Variants in PRKN observed in about 807,000 individuals in gnomAD.
PRKN encodes parkin RBR E3 ubiquitin protein ligase.
In PRKN, 56 loss-of-function variants were observed where a neutral mutation model predicts 59.5. The ratio of observed to expected loss-of-function variants is 0.94; its 90% confidence interval spans 0.76 to 1.18. The LOEUF is 1.18. Ranked by LOEUF, PRKN falls within the 50% of genes most tolerant of loss-of-function variation. PRKN has a pLI of 0.00. For synonymous variants in PRKN, 250 were observed against 222.1 expected (o/e 1.13, Z -1.12); for missense variants, 657 against 596.4 (o/e 1.10, Z -1.06).
chr6:162,673,238 C>T (rs1370713735), intron 1 of PRKN, among the ~76,000 whole-genome samples: 3 of 152,124 alleles, frequency 2.0e-5, no homozygotes, highest in South Asian at 4.1e-4. Flanking sequence ...GAGGCAGAAA[C>T]GGTGTGTAGC....
At chr6:162,119,000 A>T (rs1780793743) in intron 4 of PRKN, among the ~76,000 whole-genome samples, 1 of 152,208 alleles carries the variant, frequency 6.6e-6, no homozygotes, top group South Asian at 2.1e-4. Flanking sequence ...GAAATGAGGT[A>T]TGCCTATTGG....
chr6:161,513,498 T>C (rs490414), intron 9 of PRKN, among the ~76,000 whole-genome samples: 106,991 of 150,342 alleles, frequency 0.71, 38,199 homozygotes, highest in Middle Eastern at 0.8. Flanking sequence ...CCCGCCTCAG[T>C]CTCCCAGAGT....
At chr6:162,617,716 G>A (rs1782490820) in intron 1 of PRKN, among the ~76,000 whole-genome samples, 1 of 151,800 alleles carries the variant, frequency 6.6e-6, no homozygotes, top group Non-Finnish European at 1.5e-5. Flanking sequence ...GTCTTTCTGT[G>A]CCTGACTTAT....
intron 7 of PRKN, 36 bp downstream of exon 7, chr6:161,785,736 A>G: frequency 6.2e-7 from 1 of 1,606,228 alleles, no homozygotes; most frequent in Non-Finnish European, 8.5e-7. Flanking sequence ...GTTCTTCATT[A>G]GCATTAGAGA....
At chr6:162,058,553 A>G (rs1777962287) in intron 4 of PRKN, among the ~76,000 whole-genome samples, 1 of 152,222 alleles carries the variant, frequency 6.6e-6, no homozygotes, top group Non-Finnish European at 1.5e-5. Flanking sequence ...GTGGTTAACC[A>G]TTAACTAAAT....
chr6:162,482,976 G>A (rs138076385), intron 1 of PRKN, among the ~76,000 whole-genome samples: 47 of 152,200 alleles, frequency 3.1e-4, no homozygotes, highest in East Asian at 1.9e-3. Context: ...AACTTTTGAC[G>A]GATGTGTAAG....
chr6:161,591,068 A>C (rs958463357), intron 7 of PRKN, among the ~76,000 whole-genome samples: 1 of 152,204 alleles, frequency 6.6e-6, no homozygotes, highest in Non-Finnish European at 1.5e-5. Flanking sequence ...TCCGGTATTG[A>C]GAAAACATAT....
chr6:162,077,330 A>C (rs1308495929), intron 4 of PRKN, among the ~76,000 whole-genome samples: 1 of 152,154 alleles, frequency 6.6e-6, no homozygotes, highest in Non-Finnish European at 1.5e-5. Context: ...GGTAGGCTAC[A>C]GCATCTAGCT....
At chr6:162,492,719 A>G (rs959226814) in intron 1 of PRKN, among the ~76,000 whole-genome samples, 5 of 152,118 alleles carry the variant, frequency 3.3e-5, no homozygotes, top group African/African-American at 1.2e-4. Context: ...TGGGAGGCCA[A>G]GGTGGGTGGA....
At chr6:162,500,922 T>A (rs1793334291) in intron 1 of PRKN, among the ~76,000 whole-genome samples, 2 of 152,102 alleles carry the variant, frequency 1.3e-5, no homozygotes, top group Non-Finnish European at 2.9e-5. Flanking sequence ...TCCCAACACT[T>A]TGGGAGGCTG....
chr6:161,781,247 T>A (rs1790192481), intron 7 of PRKN, among the ~76,000 whole-genome samples: 3 of 152,196 alleles, frequency 2.0e-5, no homozygotes, highest in Admixed American at 2.0e-4. Context: ...AAGTTCTCAA[T>A]AGCAACTGGT....
chr6:162,608,811 G>T (rs10806760), intron 1 of PRKN, among the ~76,000 whole-genome samples: 31,403 of 151,990 alleles, frequency 0.21, 3,596 homozygotes, highest in East Asian at 0.49. Context: ...GAAAAATCAT[G>T]CAAAACATGT....
Position 162,322,022 on chromosome 6 carries a change from T to C in PRKN, c.172-59257A>G, listed in dbSNP as rs567682864. On this transcript the variant is annotated intron_variant, in intron 2 of 11. Transcript: ENST00000366898. ...GTGCAATAAGTCAAGAAAAATAAAA[T>C]GCATAAGATTAGAAAAAAATTAGAA... Among the ~76,000 whole-genome samples, 170 of 152,026 alleles carry C rather than the reference T, an allele frequency of 1.1e-3. 1 individual carries two copies. Among genetic ancestry groups the C allele is most frequent in the African/African-American group, 3.8e-3 (156 of 41,524 alleles).
chr6:161,664,452 G>A (rs949855474), intron 7 of PRKN, among the ~76,000 whole-genome samples: 1 of 152,092 alleles, frequency 6.6e-6, no homozygotes, highest in Non-Finnish European at 1.5e-5. Context: ...CTATCTGTTC[G>A]AGTAACTGTC....
At position 162,515,006 on chromosome 6, in the gene PRKN, TAG is replaced by T. The variant is rs1471158502; in HGVS notation, c.8-71535_8-71534del. On this transcript the variant is annotated intron_variant, in intron 1 of 11. Coordinates refer to ENST00000366898, the MANE Select transcript of PRKN (RefSeq NM_004562.3). ...AAAAAAAGGAATTATTCTAGACAAC[TAG>T]AGACTCTCCTATATTTAAAATTTAA... 1.1e-4 allele frequency among the ~76,000 whole-genome samples: 16 copies of T among 151,908 alleles called. No individual in the cohort carries two copies. In the East Asian group the frequency reaches 2.9e-3, roughly 28 times the overall value.
intron 9 of PRKN, among the ~76,000 whole-genome samples, chr6:161,441,856 C>A (rs1038891419): frequency 5.9e-5 from 9 of 152,134 alleles, no homozygotes; most frequent in African/African-American, 1.7e-4. Context: ...TCCCTCCATC[C>A]CTGGCCTGCT....
At chr6:161,406,502 G>T (rs1240830677) in intron 9 of PRKN, among the ~76,000 whole-genome samples, 1 of 152,024 alleles carries the variant, frequency 6.6e-6, no homozygotes, top group Non-Finnish European at 1.5e-5. Flanking sequence ...TTCCTATTTT[G>T]TTTCTTTGAA....
intron 1 of PRKN, among the ~76,000 whole-genome samples, chr6:162,476,037 G>A (rs1280704597): frequency 2.0e-5 from 3 of 146,842 alleles, no homozygotes; most frequent in East Asian, 2.0e-4. Flanking sequence ...GTGAGCCACC[G>A]CACCTGGCCT....
At chr6:161,656,648 A>T (rs1289043127) in intron 7 of PRKN, among the ~76,000 whole-genome samples, 2 of 152,152 alleles carry the variant, frequency 1.3e-5, no homozygotes, top group African/African-American at 4.8e-5. Flanking sequence ...TCTAGCCCCA[A>T]CTTTTCATTT....
Sources: gnomAD v4.1 joint callset for allele counts (sites outside exome capture counted in the v4.1 genomes callset) on GRCh38, gnomAD v4.1.1 for gene constraint, MANE v1.5 for transcripts, NCBI Gene and HGNC (gene_info 2026-07-23, HGNC 2026-07-21) for gene names.